The following SNRNP40 variants were observed in gnomAD, a reference collection of about 807,000 sequenced individuals.
SNRNP40 encodes small nuclear ribonucleoprotein U5 subunit 40.
SNRNP40 carries 21 observed loss-of-function variants against 45.8 expected under a neutral mutation model. That is an observed-to-expected ratio of 0.46 (90% CI 0.32 to 0.66). SNRNP40 has a LOEUF of 0.66. Ranked by LOEUF, SNRNP40 falls within the 30% of genes least tolerant of loss-of-function variation. SNRNP40 has a pLI of 0.03. For synonymous variants in SNRNP40, 142 were observed against 163.8 expected (o/e 0.87, Z 1.01); for missense variants, 344 against 439.1 (o/e 0.78, Z 1.94).
At chr1:31,290,941 G>A (rs1225276665) in intron 3 of SNRNP40, among the ~76,000 whole-genome samples, 2 of 151,824 alleles carry the variant, frequency 1.3e-5, no homozygotes, top group East Asian at 1.9e-4. Context: ...TAACAAATAT[G>A]CAACAACTAA....
chr1:31,269,452 A>AG (rs1370598805), intron 6 of SNRNP40: 4 of 1,220,076 alleles, frequency 3.3e-6, no homozygotes, highest in African/African-American at 1.5e-5. Flanking sequence ...GGGCTAGCTG[A>AG]GGGGGCAGGA....
chr1:31,280,767 G>T (rs1206968685), intron 5 of SNRNP40, among the ~76,000 whole-genome samples: 1 of 143,430 alleles, frequency 7.0e-6, no homozygotes, highest in Non-Finnish European at 1.5e-5. Flanking sequence ...AGATGCTACT[G>T]TTTTTTTTTT....
In SNRNP40 at chr1:31,290,648, C is replaced by T. The variant is rs183828452; in HGVS notation, c.366-1229G>A. On this transcript the variant is annotated intron_variant, in intron 3 of 9. Coordinates refer to ENST00000263694, the MANE Select transcript of SNRNP40 (RefSeq NM_004814.3). ...ATCCCAGCATTTTGGGAGGCCAAGGCGGGCGGATCACAAGGTCAGGAGATC... is the reference window on the plus strand; with the variant it reads ...ATCCCAGCATTTTGGGAGGCCAAGGTGGGCGGATCACAAGGTCAGGAGATC... 5.2e-3 allele frequency among the ~76,000 whole-genome samples: 789 copies of T among 151,894 alleles called. 5 individuals are homozygous for T. Among genetic ancestry groups the T allele is most frequent in the Non-Finnish European group, 9.1e-3 (616 of 67,932 alleles).
At chr1:31,293,074 G>T in intron 2 of SNRNP40, 145 bp downstream of exon 2, 1 of 800,954 alleles carries the variant, frequency 1.2e-6, no homozygotes. Flanking sequence ...CATTCAGCAT[G>T]TTCATGCCCC....
chr1:31,279,573 C>A (rs1646001096), intron 5 of SNRNP40, among the ~76,000 whole-genome samples: 1 of 151,966 alleles, frequency 6.6e-6, no homozygotes, highest in Non-Finnish European at 1.5e-5. Context: ...CACAGAGAAA[C>A]CCTGTCTCTA....
intron 8 of SNRNP40, among the ~76,000 whole-genome samples, chr1:31,262,537 AAAAAAAAGAG>A (rs1174484596): frequency 2.0e-5 from 2 of 99,924 alleles, no homozygotes; most frequent in Non-Finnish European, 2.5e-5. Context: ...AAAAAAAAAA[AAAAAAAAGAG>A]GAGAAAAAAG....
chr1:31,295,831 G>A (rs1448193387), intron 1 of SNRNP40, among the ~76,000 whole-genome samples: 5 of 152,248 alleles, frequency 3.3e-5, no homozygotes, highest in Non-Finnish European at 7.3e-5. Flanking sequence ...AGGCCATGAG[G>A]CAATGATGGA....
chr1:31,260,863 C>CAAAAA, intron 9 of SNRNP40: 49 of 473,078 alleles, frequency 1.0e-4, no homozygotes, highest in South Asian at 2.5e-4. Flanking sequence ...GACTCTGTCT[C>CAAAAA]AAAAAAAAAA....
chr1:31,266,167 A>G (rs937126065), intron 8 of SNRNP40, among the ~76,000 whole-genome samples: 1 of 152,214 alleles, frequency 6.6e-6, no homozygotes, highest in African/African-American at 2.4e-5. Context: ...AAATATGTTC[A>G]GAATTATTCA....
At chr1:31,283,971 C>T (rs571404792) in intron 4 of SNRNP40, among the ~76,000 whole-genome samples, 1 of 152,240 alleles carries the variant, frequency 6.6e-6, no homozygotes, top group Admixed American at 6.5e-5. Flanking sequence ...TGCCTGTAAC[C>T]CCAGCACTTT....
intron 1 of SNRNP40, among the ~76,000 whole-genome samples, chr1:31,295,040 G>A (rs1013752541): frequency 2.6e-5 from 4 of 152,082 alleles, no homozygotes; most frequent in Admixed American, 2.0e-4. Context: ...AGGGGGAAGG[G>A]AGAAGGGAAG....
At chr1:31,274,613 C>T (rs1025483919) in intron 5 of SNRNP40, among the ~76,000 whole-genome samples, 1 of 146,434 alleles carries the variant, frequency 6.8e-6, no homozygotes, top group African/African-American at 2.6e-5. Flanking sequence ...AGCCACTACA[C>T]CTGGCCTAAT....
intron 4 of SNRNP40, among the ~76,000 whole-genome samples, chr1:31,288,836 A>T (rs1301969682): frequency 6.6e-6 from 1 of 152,046 alleles, no homozygotes; most frequent in Non-Finnish European, 1.5e-5. Flanking sequence ...GGTGCACACC[A>T]TTCTCCTGCC....
Position 31,283,943 on chromosome 1 carries a change from G to A in SNRNP40, c.532-2447C>T, listed in dbSNP as rs1232342507. On this transcript the variant is annotated intron_variant, in intron 4 of 9. Transcript: ENST00000263694. ...GCTAAAACTATAAAATTCTTAGAGG[G>A]CCAGGTATGGTGGCTCATGCCTGTA... Among the ~76,000 whole-genome samples the A allele has an allele frequency of 2.0e-5, 3 of 152,174 alleles. No individual in the cohort carries two copies. In the East Asian group the frequency reaches 5.8e-4, roughly 29 times the overall value.
chr1:31,278,980 A>G (rs1645996927), intron 5 of SNRNP40, among the ~76,000 whole-genome samples: 1 of 152,058 alleles, frequency 6.6e-6, no homozygotes, highest in Admixed American at 6.6e-5. Context: ...CACAGAACTC[A>G]GGGAAGAGAG....
rs374716242 is a variant in SNRNP40, at chr1:31,267,827, C to T, written c.920+44G>A. On this transcript the variant is annotated intron_variant, in intron 8 of 9. Coordinates refer to ENST00000263694, the MANE Select transcript of SNRNP40 (RefSeq NM_004814.3). ...GATTGCAGGCACGAGCCACCGCATC[C>T]GGCCAGCTACATCATTCTTTACTTT... 854 of 1,504,192 alleles carry T rather than the reference C, an allele frequency of 5.7e-4. 2 individuals are homozygous for T. Among genetic ancestry groups the T allele is most frequent in the Non-Finnish European group, 6.8e-4 (740 of 1,081,588 alleles). 93.2% of individuals were successfully genotyped at this position (1,504,192 alleles called of 1,614,324 possible).
intron 8 of SNRNP40, among the ~76,000 whole-genome samples, chr1:31,262,521 C>CAAAAAAA (rs57503418): frequency 2.5e-5 from 1 of 40,618 alleles, no homozygotes; most frequent in Non-Finnish European, 4.9e-5. Context: ...ACTCCATCTC[C>CAAAAAAA]AAAAAAAAAA....
intron 8 of SNRNP40, among the ~76,000 whole-genome samples, chr1:31,265,213 C>G (rs1438011930): frequency 1.3e-5 from 2 of 152,188 alleles, no homozygotes; most frequent in Non-Finnish European, 2.9e-5. Context: ...TATCCTCAAA[C>G]TCCTGGGCTC....
At chr1:31,260,181 AG>A (rs1171816982) in intron 9 of SNRNP40, 60 bp from the exon 10 acceptor site, 1 of 1,254,762 alleles carries the variant, frequency 8.0e-7, no homozygotes, top group Admixed American at 2.3e-5. Context: ...TTGGTGCTCA[AG>A]GGCTCTTGTG....
Sources: gnomAD v4.1 joint callset for allele counts (sites outside exome capture counted in the v4.1 genomes callset) on GRCh38, gnomAD v4.1.1 for gene constraint, MANE v1.5 for transcripts, NCBI Gene and HGNC (gene_info 2026-07-23, HGNC 2026-07-21) for gene names.